The following PDZRN3 variants were observed in gnomAD, a reference collection of about 807,000 sequenced individuals.
PDZRN3 encodes the protein PDZ domain containing ring finger 3.
PDZRN3 carries 38 observed loss-of-function variants against 85.7 expected under a neutral mutation model. That is an observed-to-expected ratio of 0.44 (90% CI 0.34 to 0.58). The LOEUF is 0.58. PDZRN3 is among the 20% of genes least tolerant of loss of function. The pLI, the probability that PDZRN3 is intolerant of heterozygous loss-of-function variation, is 0.01. For synonymous variants in PDZRN3, 759 were observed against 638.0 expected, an observed-to-expected ratio of 1.19 and a Z score of -2.86; for missense variants, 1,629 against 1,506.4, an observed-to-expected ratio of 1.08 and a Z score of -1.35.
chr3:73,542,476 T>G (rs1163539210), intron 3 of PDZRN3, among the ~76,000 whole-genome samples: 2 of 152,146 alleles, frequency 1.3e-5, no homozygotes, highest in Non-Finnish European at 1.5e-5. Context: ...AAAAGGCATT[T>G]TAAGACTCTC....
intron 3 of PDZRN3, among the ~76,000 whole-genome samples, chr3:73,432,787 T>C (rs745810564): frequency 1.3e-5 from 2 of 152,184 alleles, no homozygotes; most frequent in Admixed American, 6.5e-5. Context: ...AAAGTGCTTA[T>C]CTAAAAAGAA....
At chr3:73,467,609 G>A (rs931955940) in intron 3 of PDZRN3, among the ~76,000 whole-genome samples, 19 of 152,070 alleles carry the variant, frequency 1.2e-4, no homozygotes, top group African/African-American at 4.6e-4. Context: ...GTCTCAGTTC[G>A]GTGCTGCTAC....
At chr3:73,431,998 G>A (rs563815348) in intron 3 of PDZRN3, among the ~76,000 whole-genome samples, 1 of 152,306 alleles carries the variant, frequency 6.6e-6, no homozygotes, top group Admixed American at 6.5e-5. Flanking sequence ...AACTGTGACT[G>A]CTGAATGATA....
At chr3:73,606,575 G>A (rs1052910486) in intron 2 of PDZRN3, among the ~76,000 whole-genome samples, 1 of 152,116 alleles carries the variant, frequency 6.6e-6, no homozygotes, top group Non-Finnish European at 1.5e-5. Context: ...CCAACCTCAC[G>A]CGGTTCTATA....
intron 3 of PDZRN3, among the ~76,000 whole-genome samples, chr3:73,574,520 G>A (rs1702092464): frequency 6.6e-6 from 1 of 152,028 alleles, no homozygotes; most frequent in African/African-American, 2.4e-5. Context: ...GGGCACTGGT[G>A]CAACCTCAGC....
At chr3:73,458,681 C>A (rs774725346) in intron 3 of PDZRN3, among the ~76,000 whole-genome samples, 20 of 151,310 alleles carry the variant, frequency 1.3e-4, no homozygotes, top group Non-Finnish European at 2.7e-4. Context: ...ATACCTGAGA[C>A]TGGGTAATTT....
At position 73,389,893 on chromosome 3, in the gene PDZRN3, G is replaced by A; in HGVS notation, c.1354-15C>T. 2 of 1,605,144 alleles carry A rather than the reference G, an allele frequency of 1.2e-6. No individual in the cohort carries two copies. The highest frequency in any genetic ancestry group is 2.2e-5 in the South Asian group (2 of 90,902). ...TTAGGGTCAATCTGAAACACACATG[G>A]ACCATCTCAGCGCAAACGCAGACAT... is the stretch of plus-strand genomic sequence containing the variant. On this transcript the variant is annotated splice_polypyrimidine_tract_variant and intron_variant, in intron 6 of 9. Transcript: ENST00000263666.
intron 3 of PDZRN3, among the ~76,000 whole-genome samples, chr3:73,425,363 A>G (rs1205338960): frequency 2.0e-5 from 3 of 152,148 alleles, no homozygotes; most frequent in Non-Finnish European, 2.9e-5. Flanking sequence ...CTAGAGGAGT[A>G]GATTTCAAAG....
At chr3:73,409,248 G>A (rs1230728311) in intron 3 of PDZRN3, among the ~76,000 whole-genome samples, 3 of 152,184 alleles carry the variant, frequency 2.0e-5, no homozygotes, top group Non-Finnish European at 4.4e-5. Flanking sequence ...AAGGTCTCCT[G>A]AGACAAGACA....
chr3:73,549,167 C>T (rs1203052274), intron 3 of PDZRN3, among the ~76,000 whole-genome samples: 2 of 152,156 alleles, frequency 1.3e-5, no homozygotes, highest in East Asian at 1.9e-4. Flanking sequence ...CTAAGCGATG[C>T]CATTATTTTT....
At chr3:73,593,719 C>T (rs1396633408) in intron 3 of PDZRN3, among the ~76,000 whole-genome samples, 75 of 145,430 alleles carry the variant, frequency 5.2e-4, no homozygotes, top group East Asian at 1.8e-3. Flanking sequence ...TACACACACA[C>T]ACACACACAC....
Position 73,573,835 on chromosome 3 carries a change from A to C in PDZRN3, c.918+28519T>G, listed in dbSNP as rs1375897598. 2.3e-3 allele frequency among the ~76,000 whole-genome samples: 141 copies of C among 61,328 alleles called. 2 individuals carry two copies. The highest frequency in any genetic ancestry group is 7.9e-3 in the African/African-American group (133 of 16,772). 40.2% of individuals were successfully genotyped at this position (61,328 alleles called of 152,430 possible). A position where few individuals can be genotyped will look rare whatever the true frequency, so the allele number is the denominator to read the frequency against. On this transcript the variant is annotated intron_variant, in intron 3 of 9. Transcript: ENST00000263666. ...CCTATACATATACATATACATATAC[A>C]TATACATATACATATACGGTCCTTA...
chr3:73,419,524 C>G (rs1702157470), intron 3 of PDZRN3, among the ~76,000 whole-genome samples: 1 of 152,144 alleles, frequency 6.6e-6, no homozygotes. Flanking sequence ...CAGGAGAACG[C>G]GGTGTTTTTC....
At chr3:73,391,332 A>AAAAT (rs1206189516) in intron 5 of PDZRN3, among the ~76,000 whole-genome samples, 1 of 152,246 alleles carries the variant, frequency 6.6e-6, no homozygotes, top group Non-Finnish European at 1.5e-5. Context: ...AGTCATTTTG[A>AAAAT]AAATAGTTAT....
chr3:73,535,330 T>C (rs1278703286), intron 3 of PDZRN3, among the ~76,000 whole-genome samples: 4 of 152,212 alleles, frequency 2.6e-5, no homozygotes, highest in African/African-American at 9.6e-5. Flanking sequence ...GTGATGATCA[T>C]GCATTTCTTC....
chr3:73,411,347 C>A (rs545152168), intron 3 of PDZRN3, among the ~76,000 whole-genome samples: 45 of 152,326 alleles, frequency 3.0e-4, no homozygotes, highest in African/African-American at 1.0e-3. Context: ...ATAGACCTCA[C>A]AGAAAATCAC....
intron 3 of PDZRN3, among the ~76,000 whole-genome samples, chr3:73,575,668 A>G (rs1383006324): frequency 6.6e-6 from 1 of 152,216 alleles, no homozygotes; most frequent in Non-Finnish European, 1.5e-5. Context: ...AAGAACCTGC[A>G]TTGTGTTGTA....
intron 3 of PDZRN3, among the ~76,000 whole-genome samples, chr3:73,587,061 C>A (rs1490602512): frequency 6.6e-6 from 1 of 152,172 alleles, no homozygotes; most frequent in South Asian, 2.1e-4. Flanking sequence ...ATCCAACAGA[C>A]CCCAGGGTAC....
intron 3 of PDZRN3, among the ~76,000 whole-genome samples, chr3:73,572,587 C>A (rs1363933904): frequency 6.6e-6 from 1 of 152,144 alleles, no homozygotes; most frequent in African/African-American, 2.4e-5. Context: ...TGTCAGGGTG[C>A]ATATAATTCA....
Sources: gnomAD v4.1 joint callset for allele counts (sites outside exome capture counted in the v4.1 genomes callset) on GRCh38, gnomAD v4.1.1 for gene constraint, MANE v1.5 for transcripts, NCBI Gene and HGNC (gene_info 2026-07-23, HGNC 2026-07-21) for gene names.